The following MTMR12 variants were observed in gnomAD, a reference collection of about 807,000 sequenced individuals.
The protein encoded by MTMR12 is myotubularin-related protein 12.
MTMR12 carries 33 observed loss-of-function variants against 96.7 expected under a neutral mutation model. The ratio of observed to expected loss-of-function variants is 0.34; its 90% CI spans 0.26 to 0.46. The LOEUF is 0.46. Ranked by LOEUF, MTMR12 falls within the 20% of genes least tolerant of loss-of-function variation. The pLI is 1.00. For synonymous variants in MTMR12, 298 were observed against 327.2 expected (o/e 0.91, Z 0.96); for missense variants, 721 against 896.1 (o/e 0.80, Z 2.49).
Position 32,263,219 on chromosome 5 carries a change from C to T in MTMR12, c.607G>A (p.Val203Ile), listed in dbSNP as rs770916902. ...CAGTCCTTAAGTGTGTCAAACATTA[C>T]GGTATGGTTCTTGGGATCAGTGACT... ...NTVTDPKNHT[V>I]MFDTLKDWCW... Residue 203 changes from valine (V) to isoleucine (I), a missense_variant, in exon 7 of 16, where the codon GTA becomes ATA. Transcript: ENST00000382142. 2.5e-5 allele frequency: 41 copies of T among 1,613,856 alleles called. No homozygotes were observed. The highest frequency in any genetic ancestry group is 2.2e-5 in the South Asian group (2 of 91,082).
intron 15 of MTMR12, among the ~76,000 whole-genome samples, chr5:32,231,338 C>T (rs1442638317): frequency 1.4e-5 from 2 of 148,120 alleles, no homozygotes; most frequent in South Asian, 2.1e-4. Context: ...GAGATCACGC[C>T]GTTGCACTCC....
chr5:32,249,628 C>T (rs1748835438), intron 8 of MTMR12, among the ~76,000 whole-genome samples: 1 of 152,158 alleles, frequency 6.6e-6, no homozygotes, highest in Non-Finnish European at 1.5e-5. Context: ...CAAGGCACAA[C>T]AAAAACAAGG....
chr5:32,291,477 G>A (rs902576274), intron 1 of MTMR12, among the ~76,000 whole-genome samples: 4 of 152,208 alleles, frequency 2.6e-5, no homozygotes, highest in Admixed American at 2.0e-4. Flanking sequence ...TTGGGGAAGA[G>A]TTATATGGAT....
chr5:32,232,961 C>T, intron 15 of MTMR12: 1 of 984,916 alleles, frequency 1.0e-6, no homozygotes, highest in Non-Finnish European at 1.2e-6. Flanking sequence ...TTAGACTTAC[C>T]ATCACTGCTC....
intron 1 of MTMR12, among the ~76,000 whole-genome samples, chr5:32,304,318 T>C (rs966944850): frequency 3.8e-4 from 57 of 149,806 alleles, no homozygotes; most frequent in African/African-American, 1.4e-3. Flanking sequence ...AGACTCCGTC[T>C]CCAAAAAAAA....
intron 13 of MTMR12, among the ~76,000 whole-genome samples, chr5:32,235,963 A>T (rs1279009953): frequency 6.6e-6 from 1 of 152,214 alleles, no homozygotes. Flanking sequence ...AGGGTCTCAC[A>T]CAGGGCTCAT....
chr5:32,289,181 T>C (rs1241546762), intron 1 of MTMR12, among the ~76,000 whole-genome samples: 1 of 152,240 alleles, frequency 6.6e-6, no homozygotes, highest in African/African-American at 2.4e-5. Flanking sequence ...CTGACTCACG[T>C]AGAGCTCTGG....
intron 8 of MTMR12, among the ~76,000 whole-genome samples, chr5:32,253,090 T>G (rs1331964643): frequency 6.6e-6 from 1 of 152,206 alleles, no homozygotes; most frequent in Non-Finnish European, 1.5e-5. Context: ...GAGGGGACAT[T>G]TGGCAATACC....
intron 3 of MTMR12, among the ~76,000 whole-genome samples, chr5:32,272,158 G>A (rs1199005151): frequency 6.6e-6 from 1 of 152,032 alleles, no homozygotes; most frequent in African/African-American, 2.4e-5. Context: ...AGGCTTGGTG[G>A]TGGGCGCCTG....
intron 8 of MTMR12, among the ~76,000 whole-genome samples, 186 bp from the exon 9 acceptor site, chr5:32,249,064 T>C (rs1748808223): frequency 6.6e-6 from 1 of 152,160 alleles, no homozygotes; most frequent in Non-Finnish European, 1.5e-5. Flanking sequence ...TTTTAAAAAA[T>C]AAAACAGGTC....
rs1051629911 is a variant in MTMR12 at position 32,228,516 on chromosome 5, A to T, written c.*1262T>A. 8 of 108,224 alleles carry T rather than the reference A, an allele frequency of 7.4e-5. No individual in the cohort carries two copies. Among genetic ancestry groups the T allele is most frequent in the Admixed American group, 2.9e-4 (3 of 10,466 alleles). 6.7% of individuals were successfully genotyped at this position (108,224 alleles called of 1,614,324 possible). On this transcript the variant is annotated 3_prime_UTR_variant, in exon 16 of 16. Coordinates refer to ENST00000382142, the MANE Select transcript of MTMR12 (RefSeq NM_001040446.3). ...AAGTATACTTTCCTGCATTAAAAAA[A>T]ATATATATCATATATATGATATATA...
At position 32,243,594 on chromosome 5, in the gene MTMR12, T is replaced by C; in HGVS notation, c.1027A>G (p.Ser343Gly). 1.2e-6 allele frequency: 2 copies of C among 1,604,040 alleles called. No homozygotes were observed. Among genetic ancestry groups the C allele is most frequent in the Non-Finnish European group, 8.5e-7 (1 of 1,172,018 alleles). The change falls in exon 11 of 16, where the codon AGT becomes GGT. Residue 343 changes from serine to glycine, a missense_variant. Physicochemically the swap from Ser to Gly is moderately conservative, Grantham distance 56 (BLOSUM62 0). Coordinates refer to ENST00000382142, the MANE Select transcript of MTMR12 (RefSeq NM_001040446.3). ...ATATCTGTGTCCCAAAATTCAGTAC[T>C]GTTATCTGAAAAAAGAAAAAGGAGT... ...KFKQLFLIDNSTEFWDTDIKW... is the reference protein window; with the variant it reads ...KFKQLFLIDNGTEFWDTDIKW...
intron 15 of MTMR12, among the ~76,000 whole-genome samples, chr5:32,230,781 G>A (rs1161207259): frequency 6.6e-6 from 1 of 152,190 alleles, no homozygotes; most frequent in Admixed American, 6.5e-5. Context: ...GAACTTTAAG[G>A]CTGTTAACCA....
At chr5:32,248,199 A>G in intron 9 of MTMR12, 73 bp from the exon 10 acceptor site, 1 of 1,527,270 alleles carries the variant, frequency 6.5e-7, no homozygotes. Context: ...TACGTGCCAC[A>G]ATCTGTGTTA....
chr5:32,237,603 CG>C (rs1748289423), intron 13 of MTMR12, among the ~76,000 whole-genome samples: 1 of 152,050 alleles, frequency 6.6e-6, no homozygotes, highest in Non-Finnish European at 1.5e-5. Context: ...CTCTGCCTCC[CG>C]GGTTTAAGTG....
chr5:32,239,144 T>C lies in MTMR12; in HGVS notation c.1201A>G (p.Ile401Val). The C allele has an allele frequency of 6.2e-7, 1 of 1,605,708 alleles. No homozygotes were observed. The highest frequency in any genetic ancestry group is 8.5e-7 in the Non-Finnish European group (1 of 1,175,770). The change falls in exon 13 of 16, where the codon ATT becomes GTT. Residue 401 changes from isoleucine (I) to valine (V), a missense_variant. By Grantham distance (29) the Ile-to-Val change is conservative (BLOSUM62 3). Coordinates refer to ENST00000382142, the MANE Select transcript of MTMR12 (RefSeq NM_001040446.3). ...EENASDLCCL[I>V]SSLVQLMMDP... ...ATCATCAGTTGCACCAGAGAGGAAA[T>C]GAGACAGCAGAGGTCGGATGCATTC...
chr5:32,261,343 C>T (rs1022057732), intron 7 of MTMR12, among the ~76,000 whole-genome samples: 1 of 152,118 alleles, frequency 6.6e-6, no homozygotes, highest in African/African-American at 2.4e-5. Flanking sequence ...TAGCTTGCTC[C>T]TCCCCCATCC....
At chr5:32,251,049 CCTCT>C (rs1478706464) in intron 8 of MTMR12, among the ~76,000 whole-genome samples, 1 of 149,716 alleles carries the variant, frequency 6.7e-6, no homozygotes, top group Non-Finnish European at 1.5e-5. Context: ...TTTTAAGGTC[CCTCT>C]CTTTTTTTTT....
At chr5:32,289,509 C>A (rs1457695776) in intron 1 of MTMR12, among the ~76,000 whole-genome samples, 1 of 152,136 alleles carries the variant, frequency 6.6e-6, no homozygotes, top group Non-Finnish European at 1.5e-5. Context: ...TAAGTGTGCA[C>A]TGGGGAAAGG....
Sources: gnomAD v4.1 joint callset for allele counts (sites outside exome capture counted in the v4.1 genomes callset) on GRCh38, gnomAD v4.1.1 for gene constraint, MANE v1.5 for transcripts, NCBI Gene and HGNC (gene_info 2026-07-23, HGNC 2026-07-21) for gene names.